The following CSF3 variants were observed in gnomAD, a reference collection of about 807,000 sequenced individuals.
CSF3 encodes the protein granulocyte colony-stimulating factor.
Under a neutral mutation model 20.2 loss-of-function variants are expected in CSF3, and 17 were observed. The observed-to-expected ratio is 0.84, with a 90% CI of 0.58 to 1.26. CSF3 has a LOEUF of 1.26. Among genes scored for constraint, CSF3 ranks in the 50% most tolerant of loss-of-function variants. CSF3 has a pLI of 0.00. For synonymous variants in CSF3, 125 were observed against 115.3 expected (o/e 1.08, Z -0.54); for missense variants, 210 against 256.0 (o/e 0.82, Z 1.23).
chr17:40,016,019 C>T (rs2227325), intron 2 of CSF3, 174 bp downstream of exon 2: 84,243 of 1,051,938 alleles, frequency 0.08, 3,791 homozygotes, highest in African/African-American at 0.12. Context: ...GGACAGTGCT[C>T]GGGAGGGCTG....
chr17:40,015,494 A>C lies in CSF3; in HGVS notation c.20A>C (p.Gln7Pro). 1 of 1,551,426 alleles carries C rather than the reference A, an allele frequency of 6.4e-7. No homozygotes were observed. Among genetic ancestry groups the C allele is most frequent in the East Asian group, 2.4e-5 (1 of 40,950 alleles). MAGPAT[Q>P]SPMKLMALQL... ...AGACCCATGGCTGGACCTGCCACCC[A>C]GAGCCCCATGAAGCTGATGGGTGAG... The change falls in exon 1 of 5, where the codon CAG (glutamine) becomes CCG (proline). Residue 7 changes from glutamine to proline, a missense_variant. Physicochemically the swap from Gln to Pro is moderately conservative, Grantham distance 76. Transcript: ENST00000394149.
In CSF3 at chr17:40,017,062, CTG is replaced by C. The variant is rs1171202232; in HGVS notation, c.*107_*108del. Reference sequence around the variant, plus strand: ...AAGAGCAGAACGGAGCCCCAGGCCTCTGTGTCCTTCCCTGCATTTCTGAGTTT... The same window carrying C: ...AAGAGCAGAACGGAGCCCCAGGCCTCTGTCCTTCCCTGCATTTCTGAGTTT... On this transcript the variant is annotated 3_prime_UTR_variant, in exon 5 of 5. Transcript: ENST00000394149. 1.8e-6 allele frequency: 2 copies of C among 1,128,316 alleles called. No individual in the cohort carries two copies. Among genetic ancestry groups the C allele is most frequent in the Non-Finnish European group, 2.4e-6 (2 of 827,390 alleles). The allele number at this position is 1,128,316 out of a possible 1,614,324, so 69.9% of individuals were successfully genotyped here.
In CSF3 at chr17:40,016,473, T is replaced by C. The variant is rs753472086; in HGVS notation, c.304-12T>C. The C allele has an allele frequency of 3.1e-6, 5 of 1,614,054 alleles. No individual in the cohort carries two copies. In the South Asian group the frequency reaches 4.4e-5, roughly 14 times the overall value. On this transcript the variant is annotated splice_polypyrimidine_tract_variant and intron_variant, in intron 3 of 4. Transcript: ENST00000394149. ...AGGCAGCACCCCCTAACTCTTCCGC[T>C]CTGTCTCACAGGCAGGCTGCTTGAG... is the stretch of plus-strand genomic sequence containing the variant.
rs368995358 is a variant in CSF3, at chr17:40,016,259, C to T, written c.222C>T (p.Pro74=). ...GTGCCACCTACAAGCTGTGCCACCC[C>T]GAGGAGCTGGTGCTGCTCGGACACT... is the stretch of plus-strand genomic sequence containing the variant. ...KLCATYKLCH[P]EELVLLGHSL... The change falls in exon 3 of 5, where the codon CCC becomes CCT. Residue 74 remains proline, a synonymous_variant. Coordinates refer to ENST00000394149, the MANE Select transcript of CSF3 (RefSeq NM_172219.3). The T allele has an allele frequency of 1.1e-5, 18 of 1,567,948 alleles. No individual in the cohort carries two copies. In the East Asian group the frequency reaches 1.7e-4, roughly 14 times the overall value.
Position 40,016,884 on chromosome 17 carries a change from G to A in CSF3, c.540G>A (p.Gly180=). 3.1e-6 allele frequency: 5 copies of A among 1,613,520 alleles called. No individual in the cohort carries two copies. The highest frequency in any genetic ancestry group is 4.2e-6 in the Non-Finnish European group (5 of 1,179,950). Residue 180 remains glycine, a synonymous_variant, in exon 5 of 5, where the codon GGG becomes GGA. Coordinates refer to ENST00000394149, the MANE Select transcript of CSF3 (RefSeq NM_172219.3). The part of the protein sequence containing the change: ...FASAFQRRAG[G]VLVASHLQSF... ...CTGCTTTCCAGCGCCGGGCAGGAGG[G>A]GTCCTGGTTGCCTCCCATCTGCAGA...
intron 4 of CSF3, 60 bp from the exon 5 acceptor site, chr17:40,016,735 T>G (rs1981416006): frequency 6.2e-7 from 1 of 1,612,570 alleles, no homozygotes; most frequent in Non-Finnish European, 8.5e-7. Flanking sequence ...CAGCATTTCC[T>G]CATTTGTAAT....
chr17:40,016,330 C>T lies in CSF3; in HGVS notation c.293C>T (p.Ala98Val), dbSNP rs1598322727. The change falls in exon 3 of 5, where the codon GCC (alanine) becomes GTC (valine). Residue 98 changes from alanine (A) to valine (V), a missense_variant. Physicochemically the swap from Ala to Val is moderately conservative, Grantham distance 64. Transcript: ENST00000394149. ...CCCCTGAGCAGCTGCCCCAGCCAGG[C>T]CCTGCAGCTGGTGAGTGTCAGGAAA... ...WAPLSSCPSQ[A>V]LQLAGCLSQL... 1.2e-6 allele frequency: 2 copies of T among 1,612,300 alleles called. No homozygotes were observed. The highest frequency in any genetic ancestry group is 1.7e-6 in the Non-Finnish European group (2 of 1,179,076).
chr17:40,016,367 AT>A, intron 3 of CSF3, 27 bp downstream of exon 3: 1 of 1,609,826 alleles, frequency 6.2e-7, no homozygotes, highest in Non-Finnish European at 8.5e-7. Flanking sequence ...GATAAGGCTA[AT>A]GAGGAGGGGG....
chr17:40,016,415 T>G, intron 3 of CSF3, 70 bp from the exon 4 acceptor site: 1 of 1,606,874 alleles, frequency 6.2e-7, no homozygotes, highest in South Asian at 1.1e-5. Context: ...CCCCCATGTC[T>G]CCAGGTTCCA....
chr17:40,017,108 A>G lies in CSF3; in HGVS notation c.*149A>G. On this transcript the variant is annotated 3_prime_UTR_variant, in exon 5 of 5. Transcript: ENST00000394149. ...TGAGTTTCATTCTCCTGCCTGTAGCAGTGAGAAAAAGCTCCTGTCCTCCCA... is the reference window on the plus strand; with the variant it reads ...TGAGTTTCATTCTCCTGCCTGTAGCGGTGAGAAAAAGCTCCTGTCCTCCCA... 1 of 726,654 alleles carries G rather than the reference A, an allele frequency of 1.4e-6. No individual in the cohort carries two copies. Among genetic ancestry groups the G allele is most frequent in the Non-Finnish European group, 2.1e-6 (1 of 474,990 alleles). 45.0% of individuals were successfully genotyped at this position (726,654 alleles called of 1,614,324 possible).
In CSF3 at chr17:40,016,919, A is replaced by AGGTGTC; in HGVS notation, c.577_582dup (p.Val193_Ser194dup). The stretch of plus-strand genomic sequence containing the variant: ...GCCTCCCATCTGCAGAGCTTCCTGG[A>AGGTGTC]GGTGTCGTACCGCGTTCTACGCCAC... On this transcript the variant is annotated inframe_insertion, in exon 5 of 5. Coordinates refer to ENST00000394149, the MANE Select transcript of CSF3 (RefSeq NM_172219.3). 6.2e-7 allele frequency: 1 copy of AGGTGTC among 1,612,216 alleles called. No individual in the cohort carries two copies.
intron 1 of CSF3, 53 bp downstream of exon 1, chr17:40,015,567 G>A: frequency 6.5e-7 from 1 of 1,549,938 alleles, no homozygotes; most frequent in Non-Finnish European, 8.7e-7. Flanking sequence ...ATGGGAGGGA[G>A]GCTGGTGTGA....
chr17:40,015,931 G>C, intron 2 of CSF3, 86 bp downstream of exon 2: 1 of 1,490,212 alleles, frequency 6.7e-7, no homozygotes, highest in Middle Eastern at 2.2e-4. Flanking sequence ...ACATCCTCTG[G>C]AAGGGACGTG....
At chr17:40,016,079 C>T (rs1981363869) in intron 2 of CSF3, 154 bp from the exon 3 acceptor site, 2 of 821,080 alleles carry the variant, frequency 2.4e-6, no homozygotes, top group Non-Finnish European at 3.7e-6. Context: ...GCAAGGGCCC[C>T]TGTGAGATCA....
chr17:40,015,747 CT>C lies in CSF3; in HGVS notation c.98del (p.Leu33ArgfsTer16). 6.2e-7 allele frequency: 1 copy of C among 1,600,204 alleles called. No homozygotes were observed. Among genetic ancestry groups the C allele is most frequent in the Non-Finnish European group, 8.5e-7 (1 of 1,172,992 alleles). On this transcript the variant is annotated frameshift_variant, in exon 2 of 5. Coordinates refer to ENST00000394149, the MANE Select transcript of CSF3 (RefSeq NM_172219.3). LOFTEE classifies it high-confidence loss of function. ...CTGGACAGTGCAGGAAGCCACCCCC[CT>C]GGGCCCTGCCAGCTCCCTGCCCCAG... ...ALWTVQEATP[L>X]GPASSLPQSF...
In CSF3 at chr17:40,015,661, G is replaced by A. The variant is rs1030910137; in HGVS notation, c.41-30G>A. On this transcript the variant is annotated intron_variant, in intron 1 of 4. Coordinates refer to ENST00000394149, the MANE Select transcript of CSF3 (RefSeq NM_172219.3). Reference sequence around the variant, plus strand: ...AGAGGGCCTCAGGTGGTAGGGAACAGCATGTCTCCTGAGCCCGCTCTGTCC... The same window carrying A: ...AGAGGGCCTCAGGTGGTAGGGAACAACATGTCTCCTGAGCCCGCTCTGTCC... 2.6e-6 allele frequency: 4 copies of A among 1,563,938 alleles called. No individual in the cohort carries two copies. The African/African-American group carries it at 4.1e-5, about 16-fold the overall frequency.
chr17:40,015,624 C>T, intron 1 of CSF3, 67 bp from the exon 2 acceptor site: 2 of 1,544,244 alleles, frequency 1.3e-6, no homozygotes, highest in African/African-American at 2.7e-5. Context: ...TTAAAGGCAC[C>T]CAGTGTCCCC....
chr17:40,015,447 A>G lies in CSF3; in HGVS notation c.-28A>G. The G allele has an allele frequency of 6.5e-7, 1 of 1,548,304 alleles. No individual in the cohort carries two copies. Among genetic ancestry groups the G allele is most frequent in the South Asian group, 1.2e-5 (1 of 83,778 alleles). ...AGAGCTGGGCCCCAAAACAGCCCGG[A>G]GCCTGCAGCCCAGCCCCACCCAGAC... On this transcript the variant is annotated 5_prime_UTR_variant, in exon 1 of 5. Transcript: ENST00000394149.
In CSF3 at chr17:40,016,474, C is replaced by T. The variant is rs1981395442; in HGVS notation, c.304-11C>T. 2 of 1,613,940 alleles carry T rather than the reference C, an allele frequency of 1.2e-6. No individual in the cohort carries two copies. The highest frequency in any genetic ancestry group is 1.7e-5 in the Admixed American group (1 of 59,994). ...GGCAGCACCCCCTAACTCTTCCGCT[C>T]TGTCTCACAGGCAGGCTGCTTGAGC... On this transcript the variant is annotated splice_polypyrimidine_tract_variant and intron_variant, in intron 3 of 4. Coordinates refer to ENST00000394149, the MANE Select transcript of CSF3 (RefSeq NM_172219.3).
Sources: allele counts gnomAD v4.1 joint callset, GRCh38; gene constraint gnomAD v4.1.1; transcripts MANE v1.5; gene names NCBI Gene and HGNC (gene_info 2026-07-23, HGNC 2026-07-21).